MAGI2: variants seen among roughly 807,000 people sequenced by gnomAD.
MAGI2 encodes membrane-associated guanylate kinase, WW and PDZ domain-containing protein 2.
A neutral mutation model predicts 133.3 loss-of-function variants in MAGI2; 35 were observed. The observed-to-expected ratio is 0.26, with a 90% CI of 0.20 to 0.35. The LOEUF (loss-of-function observed/expected upper bound fraction) is 0.35. MAGI2 is among the 10% of genes least tolerant of loss of function. The pLI, the probability that MAGI2 is intolerant of heterozygous loss-of-function variation, is 1.00. For missense variants in MAGI2, 1,636 were observed against 1,863.4 expected, an observed-to-expected ratio of 0.88 and a Z score of 2.25; for synonymous variants, 729 against 710.6, an observed-to-expected ratio of 1.03 and a Z score of -0.41.
At chr7:78,106,076 T>G (rs1456510293) in intron 20 of MAGI2, among the ~76,000 whole-genome samples, 3 of 152,154 alleles carry the variant, frequency 2.0e-5, no homozygotes, top group Admixed American at 6.5e-5. Context: ...TCAATTGTTT[T>G]AATTTTTAGC....
intron 1 of MAGI2, among the ~76,000 whole-genome samples, chr7:79,318,787 T>A (rs1030965828): frequency 2.0e-5 from 3 of 152,156 alleles, no homozygotes; most frequent in African/African-American, 7.2e-5. Context: ...GCTGTAGTTT[T>A]TCTCTTTTTC....
intron 1 of MAGI2, among the ~76,000 whole-genome samples, chr7:79,281,687 T>C (rs1020779682): frequency 1.3e-5 from 2 of 152,194 alleles, no homozygotes; most frequent in Non-Finnish European, 2.9e-5. Flanking sequence ...ATGGAAAAAG[T>C]AGATTTATCT....
At chr7:78,795,840 A>G (rs1374395599) in intron 2 of MAGI2, among the ~76,000 whole-genome samples, 1 of 152,142 alleles carries the variant, frequency 6.6e-6, no homozygotes, top group Non-Finnish European at 1.5e-5. Flanking sequence ...AAATCCACAC[A>G]CAGCCAACTC....
At chr7:78,209,553 G>A (rs1787564294) in intron 10 of MAGI2, among the ~76,000 whole-genome samples, 2 of 152,010 alleles carry the variant, frequency 1.3e-5, no homozygotes, top group South Asian at 2.1e-4. Flanking sequence ...GAGTCACCGT[G>A]CCTGGCCTGA....
chr7:79,397,983 C>A (rs1845182842), intron 1 of MAGI2, among the ~76,000 whole-genome samples: 1 of 152,036 alleles, frequency 6.6e-6, no homozygotes, highest in South Asian at 2.1e-4. Flanking sequence ...TTAGAATGTT[C>A]TTCTCTAATG....
intron 1 of MAGI2, among the ~76,000 whole-genome samples, chr7:79,018,576 T>C (rs971356275): frequency 5.3e-5 from 8 of 152,154 alleles, no homozygotes; most frequent in African/African-American, 1.9e-4. Context: ...ATAGAGTAAA[T>C]GCCCCAATTA....
Position 78,018,275 on chromosome 7 carries a change from A to G in MAGI2, c.*1040T>C, listed in dbSNP as rs561385790. 6.5e-6 allele frequency: 1 copy of G among 152,724 alleles called. No individual in the cohort carries two copies. The highest frequency in any genetic ancestry group is 3.4e-3 in the Middle Eastern group (1 of 294). 9.5% of individuals were successfully genotyped at this position (152,724 alleles called of 1,614,324 possible). ...TTGATTGTAATTTTTTAATATTATA[A>G]TCTGAGAAATATAAGACAAATACTC... On this transcript the variant is annotated 3_prime_UTR_variant, in exon 22 of 22. Coordinates refer to ENST00000354212, the MANE Select transcript of MAGI2 (RefSeq NM_012301.4).
chr7:78,983,865 T>G (rs1224180645), intron 2 of MAGI2, among the ~76,000 whole-genome samples: 1 of 151,982 alleles, frequency 6.6e-6, no homozygotes, highest in Non-Finnish European at 1.5e-5. Flanking sequence ...GGTAATCTTA[T>G]CTATTTCCCT....
intron 1 of MAGI2, among the ~76,000 whole-genome samples, chr7:79,225,886 G>A (rs1231006955): frequency 6.6e-6 from 1 of 152,128 alleles, no homozygotes; most frequent in Non-Finnish European, 1.5e-5. Flanking sequence ...GCCTGATTAT[G>A]ATGCAGAGCT....
chr7:79,163,403 A>G (rs1032806393), intron 1 of MAGI2, among the ~76,000 whole-genome samples: 5 of 151,902 alleles, frequency 3.3e-5, no homozygotes, highest in Non-Finnish European at 5.9e-5. Flanking sequence ...CCAACTCCTG[A>G]CCTCAAGTGA....
chr7:79,107,100 A>G (rs2129543659), intron 1 of MAGI2, among the ~76,000 whole-genome samples: 2 of 152,332 alleles, frequency 1.3e-5, no homozygotes, highest in Middle Eastern at 6.8e-3. Flanking sequence ...AACTAGGGTT[A>G]CAGATCCCAA....
chr7:78,170,859 T>C (rs1215544703), intron 14 of MAGI2: 1 of 152,020 alleles, frequency 6.6e-6, no homozygotes, highest in Admixed American at 6.6e-5. Flanking sequence ...TAATGTGTCC[T>C]TAGCTGTGTT....
intron 20 of MAGI2, 36 bp from the exon 21 acceptor site, chr7:78,079,121 G>A: frequency 6.2e-7 from 1 of 1,601,650 alleles, no homozygotes; most frequent in Non-Finnish European, 8.5e-7. Context: ...AGCCAAAGAT[G>A]GTTTTACTCA....
intron 1 of MAGI2, among the ~76,000 whole-genome samples, chr7:79,048,763 C>T (rs111497709): frequency 0.057 from 8,681 of 151,954 alleles, 274 homozygotes; most frequent in African/African-American, 0.073. Flanking sequence ...CACTTGAGGT[C>T]GGGAGTTCGA....
At chr7:78,463,571 G>T (rs1188937848) in intron 6 of MAGI2, among the ~76,000 whole-genome samples, 1 of 152,166 alleles carries the variant, frequency 6.6e-6, no homozygotes, top group Non-Finnish European at 1.5e-5. Flanking sequence ...TTAAATATCT[G>T]GGAGTAGATG....
At chr7:78,872,231 C>A (rs1203913880) in intron 2 of MAGI2, among the ~76,000 whole-genome samples, 3 of 145,676 alleles carry the variant, frequency 2.1e-5, no homozygotes, top group Admixed American at 6.8e-5. Flanking sequence ...ATACTACTGA[C>A]AAATTTACAT....
intron 3 of MAGI2, among the ~76,000 whole-genome samples, chr7:78,581,204 G>T (rs1802801275): frequency 6.6e-6 from 1 of 152,178 alleles, no homozygotes; most frequent in African/African-American, 2.4e-5. Context: ...CAGGCTTGGG[G>T]GAGGGAGGAT....
intron 1 of MAGI2, among the ~76,000 whole-genome samples, chr7:79,305,744 C>A (rs964890896): frequency 1.3e-5 from 2 of 151,852 alleles, no homozygotes; most frequent in Non-Finnish European, 2.9e-5. Flanking sequence ...CCTGTCTCTA[C>A]AAAAAATAAG....
In MAGI2 at chr7:78,935,873, A is replaced by T. The variant is rs573722889; in HGVS notation, c.418+71217T>A. 3.0e-3 allele frequency among the ~76,000 whole-genome samples: 464 copies of T among 152,208 alleles called. 7 individuals are homozygous for T. Among genetic ancestry groups the T allele is most frequent in the African/African-American group, 0.011 (447 of 41,578 alleles). On this transcript the variant is annotated intron_variant, in intron 2 of 21. Transcript: ENST00000354212. Reference sequence around the variant, plus strand: ...GTCTGGCCCTACATGTCACTGAGACATGTTATAATGTTCCAGAATTGCCCA... The same window carrying T: ...GTCTGGCCCTACATGTCACTGAGACTTGTTATAATGTTCCAGAATTGCCCA...
Sources: allele counts gnomAD v4.1 joint callset (sites outside exome capture counted in the v4.1 genomes callset), GRCh38; gene constraint gnomAD v4.1.1; transcripts MANE v1.5; gene names NCBI Gene and HGNC (gene_info 2026-07-23, HGNC 2026-07-21).